Variants in LHFPL3 observed in about 807,000 individuals in gnomAD.
LHFPL3 encodes the protein LHFPL tetraspan subfamily member 3.
LHFPL3 carries 5 observed loss-of-function variants against 19.3 expected under a neutral mutation model. The observed-to-expected ratio is 0.26, with a 90% CI of 0.14 to 0.54. The LOEUF (loss-of-function observed/expected upper bound fraction) is 0.54, where lower values mean the gene tolerates loss of function less well. LHFPL3 is among the 20% of genes least tolerant of loss of function. The pLI is 0.94. For missense variants in LHFPL3, 249 were observed against 307.4 expected (o/e 0.81, Z 1.42); for synonymous variants, 133 against 126.2 (o/e 1.05, Z -0.36).
chr7:104,331,604 G>A (rs963017037), intron 1 of LHFPL3, among the ~76,000 whole-genome samples: 4 of 152,118 alleles, frequency 2.6e-5, no homozygotes, highest in Non-Finnish European at 5.9e-5. Context: ...AAAAAATTAA[G>A]TCTCATTATA....
chr7:104,759,450 A>G (rs1184266895), intron 2 of LHFPL3, among the ~76,000 whole-genome samples: 1 of 152,200 alleles, frequency 6.6e-6, no homozygotes, highest in African/African-American at 2.4e-5. Flanking sequence ...CATGTAATCA[A>G]TATAAAAAAT....
chr7:104,904,358 C>T (rs749043799), intron 2 of LHFPL3, among the ~76,000 whole-genome samples: 12 of 152,148 alleles, frequency 7.9e-5, no homozygotes, highest in African/African-American at 2.4e-4. Flanking sequence ...GGCTCTGTGA[C>T]GCAAAACCTC....
At chr7:104,902,701 G>A (rs140133935) in intron 2 of LHFPL3, among the ~76,000 whole-genome samples, 3 of 152,254 alleles carry the variant, frequency 2.0e-5, no homozygotes, top group Middle Eastern at 3.4e-3. Flanking sequence ...CAGGAGAATC[G>A]CTTGAACCAG....
intron 1 of LHFPL3, among the ~76,000 whole-genome samples, chr7:104,427,689 A>G (rs1445696571): frequency 1.3e-5 from 2 of 152,208 alleles, no homozygotes; most frequent in African/African-American, 2.4e-5. Flanking sequence ...AGTTGAAGGC[A>G]TGTACTCTCT....
At chr7:104,629,179 C>G (rs112414462) in intron 1 of LHFPL3, among the ~76,000 whole-genome samples, 1 of 152,056 alleles carries the variant, frequency 6.6e-6, no homozygotes, top group Non-Finnish European at 1.5e-5. Flanking sequence ...AGGGTTCTCC[C>G]ACATTTCTTC....
At chr7:104,397,576 C>T (rs1299444915) in intron 1 of LHFPL3, among the ~76,000 whole-genome samples, 2 of 152,112 alleles carry the variant, frequency 1.3e-5, no homozygotes, top group Non-Finnish European at 2.9e-5. Context: ...CGGGGGACGG[C>T]ACTTTCCTTT....
intron 2 of LHFPL3, among the ~76,000 whole-genome samples, chr7:104,899,220 G>A (rs537705730): frequency 3.3e-5 from 5 of 152,170 alleles, no homozygotes; most frequent in African/African-American, 1.2e-4. Context: ...AGGTTGGAAA[G>A]GAAGTACCCC....
chr7:104,585,534 T>C (rs1790557657), intron 1 of LHFPL3, among the ~76,000 whole-genome samples: 1 of 86,444 alleles, frequency 1.2e-5, no homozygotes, highest in South Asian at 4.6e-4. Context: ...GCCTTGTCCC[T>C]GATAAATGTT....
At chr7:104,749,838 G>T (rs1409698687) in intron 2 of LHFPL3, among the ~76,000 whole-genome samples, 1 of 152,164 alleles carries the variant, frequency 6.6e-6, no homozygotes, top group Non-Finnish European at 1.5e-5. Context: ...CAAGTTAATG[G>T]TATGGGTTTA....
At chr7:104,874,618 A>T (rs1791902769) in intron 2 of LHFPL3, among the ~76,000 whole-genome samples, 1 of 152,170 alleles carries the variant, frequency 6.6e-6, no homozygotes, top group African/African-American at 2.4e-5. Flanking sequence ...CATGTTGGCC[A>T]GGCTGGTCTT....
rs960104556 is a variant in LHFPL3, at chr7:104,576,348, A to T, written c.446-160327A>T. ...TTAGATTTTGTAAGCCAAATGTGGG[A>T]GGACATTTATTAAACTGGGGAAGGG... is the stretch of plus-strand genomic sequence containing the variant. On this transcript the variant is annotated intron_variant, in intron 1 of 2. Transcript: ENST00000424859. 5.3e-5 allele frequency among the ~76,000 whole-genome samples: 8 copies of T among 152,282 alleles called. No homozygotes were observed. In the South Asian group the frequency reaches 1.7e-3, roughly 32 times the overall value.
intron 1 of LHFPL3, among the ~76,000 whole-genome samples, chr7:104,462,929 G>T (rs1792701478): frequency 6.6e-6 from 1 of 152,036 alleles, no homozygotes; most frequent in Non-Finnish European, 1.5e-5. Context: ...CTCATTATTG[G>T]TCTGTTTGGG....
chr7:104,907,413 TCA>T lies in LHFPL3; in HGVS notation c.*1199_*1200del, dbSNP rs1294436041. 6.6e-6 allele frequency among the ~76,000 whole-genome samples: 1 copy of T among 152,202 alleles called. No individual in the cohort carries two copies. The highest frequency in any genetic ancestry group is 1.5e-5 in the Non-Finnish European group (1 of 68,014). Reference sequence around the variant, plus strand: ...TTACTAATGTTGGTTTCAAAAATACTCAGATTCATTTTAGTTGGCTGACATCT... The same window carrying T: ...TTACTAATGTTGGTTTCAAAAATACTGATTCATTTTAGTTGGCTGACATCT... On this transcript the variant is annotated 3_prime_UTR_variant, in exon 3 of 3. Coordinates refer to ENST00000424859, the MANE Select transcript of LHFPL3 (RefSeq NM_199000.3).
intron 1 of LHFPL3, among the ~76,000 whole-genome samples, chr7:104,566,896 A>G (rs990215596): frequency 6.6e-6 from 1 of 152,242 alleles, no homozygotes; most frequent in East Asian, 1.9e-4. Context: ...AGAAAATGTT[A>G]TAACCTGTCA....
At chr7:104,498,140 T>G (rs1584360969) in intron 1 of LHFPL3, among the ~76,000 whole-genome samples, 2 of 152,234 alleles carry the variant, frequency 1.3e-5, no homozygotes, top group Admixed American at 1.3e-4. Context: ...TAATAATGCC[T>G]GTACCACAGG....
intron 1 of LHFPL3, among the ~76,000 whole-genome samples, chr7:104,593,170 G>A (rs190696614): frequency 6.6e-6 from 1 of 151,950 alleles, no homozygotes; most frequent in South Asian, 2.1e-4. Context: ...TCTCTTGTGG[G>A]CATTTAGTGC....
intron 1 of LHFPL3, among the ~76,000 whole-genome samples, chr7:104,450,811 G>GA (rs574282501): frequency 2.0e-5 from 3 of 150,924 alleles, no homozygotes; most frequent in Admixed American, 6.6e-5. Flanking sequence ...AAATGGAAAA[G>GA]AAAAAAAAAG....
At chr7:104,646,685 G>T (rs1791941679) in intron 1 of LHFPL3, among the ~76,000 whole-genome samples, 1 of 152,056 alleles carries the variant, frequency 6.6e-6, no homozygotes, top group Non-Finnish European at 1.5e-5. Context: ...TAATTATAGG[G>T]GACTGAGCTA....
chr7:104,507,675 T>A (rs1793725552), intron 1 of LHFPL3, among the ~76,000 whole-genome samples: 1 of 120,292 alleles, frequency 8.3e-6, no homozygotes, highest in Non-Finnish European at 1.7e-5. Context: ...ACAGGCAACC[T>A]ACAAAATGGG....
Sources: gnomAD v4.1 joint callset for allele counts (sites outside exome capture counted in the v4.1 genomes callset) on GRCh38, gnomAD v4.1.1 for gene constraint, MANE v1.5 for transcripts, NCBI Gene and HGNC (gene_info 2026-07-23, HGNC 2026-07-21) for gene names.